Variants in IFT74 observed in about 807,000 individuals in gnomAD.
IFT74 encodes intraflagellar transport protein 74 homolog.
A neutral mutation model predicts 96.7 loss-of-function variants in IFT74; 92 were observed. The observed-to-expected ratio is 0.95, with a 90% CI of 0.80 to 1.13. The LOEUF (loss-of-function observed/expected upper bound fraction) is 1.13. IFT74 is among the 50% of genes most tolerant of loss of function. The pLI is 0.00. For synonymous variants in IFT74, 223 were observed against 213.2 expected, an observed-to-expected ratio of 1.05 and a Z score of -0.40; for missense variants, 811 against 698.2, an observed-to-expected ratio of 1.16 and a Z score of -1.82.
chr9:27,044,796 G>A lies in IFT74; in HGVS notation c.1108+1G>A. ...AAGAAAAGGGAGGAACATATGGACA[G>A]TAAGTGATATTCTTGTAGATATAAA... On this transcript the variant is annotated splice_donor_variant, in intron 14 of 19. Coordinates refer to ENST00000380062, the MANE Select transcript of IFT74 (RefSeq NM_025103.4). LOFTEE classifies it high-confidence loss of function. 1.3e-6 allele frequency: 2 copies of A among 1,492,964 alleles called. No homozygotes were observed. Among genetic ancestry groups the A allele is most frequent in the Non-Finnish European group, 1.8e-6 (2 of 1,085,018 alleles). The allele number at this position is 1,492,964 out of a possible 1,614,324, so 92.5% of individuals were successfully genotyped here.
intron 13 of IFT74, among the ~76,000 whole-genome samples, chr9:27,039,154 G>T (rs982656884): frequency 2.0e-5 from 3 of 151,738 alleles, no homozygotes; most frequent in Non-Finnish European, 4.4e-5. Context: ...TCAAATGAGG[G>T]TTATCAAGAG....
In IFT74 at chr9:26,978,109, A is replaced by C. The variant is rs572322975; in HGVS notation, c.121-19A>C. The C allele has an allele frequency of 1.5e-5, 23 of 1,553,520 alleles. No homozygotes were observed. The African/African-American group carries it at 2.8e-4, about 19-fold the overall frequency. On this transcript the variant is annotated intron_variant, in intron 2 of 19. Transcript: ENST00000380062. ...GTTTTTTCTGGTTTACTAAAAATGA[A>C]ATCTTGTTTGTCATTTAGATGCCAC...
At chr9:26,996,304 A>C in intron 8 of IFT74, 1 of 1,543,620 alleles carries the variant, frequency 6.5e-7, no homozygotes, top group Non-Finnish European at 8.9e-7. Context: ...TAGAACCAGT[A>C]TATTACCTGA....
At chr9:26,978,357 T>G in intron 3 of IFT74, 94 bp downstream of exon 3, 1 of 1,319,474 alleles carries the variant, frequency 7.6e-7, no homozygotes, top group Non-Finnish European at 1.0e-6. Context: ...TTGAGTATAT[T>G]TTGAACAATA....
At chr9:27,036,966 C>T (rs962664337) in intron 13 of IFT74, among the ~76,000 whole-genome samples, 1 of 152,034 alleles carries the variant, frequency 6.6e-6, no homozygotes, top group Admixed American at 6.6e-5. Context: ...CGCCTGTAAT[C>T]CCAGCACTTT....
At chr9:26,977,359 T>G (rs1212224290) in intron 2 of IFT74, among the ~76,000 whole-genome samples, 1 of 152,210 alleles carries the variant, frequency 6.6e-6, no homozygotes, top group East Asian at 1.9e-4. Context: ...GCTACTTGGA[T>G]AGCTGAGGCA....
chr9:27,023,068 C>G (rs1829692465), intron 12 of IFT74, among the ~76,000 whole-genome samples: 1 of 152,138 alleles, frequency 6.6e-6, no homozygotes, highest in Admixed American at 6.5e-5. Flanking sequence ...GTTGAGTCTT[C>G]AGGGTTTCCT....
At chr9:27,044,980 A>G (rs1203106249) in intron 14 of IFT74, among the ~76,000 whole-genome samples, 185 bp downstream of exon 14, 3 of 152,214 alleles carry the variant, frequency 2.0e-5, no homozygotes, top group Non-Finnish European at 4.4e-5. Context: ...AAATTCTAAA[A>G]AGATATGTGA....
Position 27,064,069 on chromosome 9 carries a change from A to C in IFT74, c.*1333A>C, listed in dbSNP as rs1293897240. On this transcript the variant is annotated 3_prime_UTR_variant, in exon 20 of 20. Coordinates refer to ENST00000380062, the MANE Select transcript of IFT74 (RefSeq NM_025103.4). ...CATAACCCTTAATATGCTAATGTAT[A>C]ATAAGCTCAAGAAGAATATATACTG... Among the ~76,000 whole-genome samples the C allele has an allele frequency of 6.6e-6, 1 of 152,162 alleles. No individual in the cohort carries two copies. The highest frequency in any genetic ancestry group is 1.5e-5 in the Non-Finnish European group (1 of 67,982).
chr9:27,011,567 A>ATATTTGAT (rs1829077423), intron 9 of IFT74, among the ~76,000 whole-genome samples: 1 of 151,944 alleles, frequency 6.6e-6, no homozygotes, highest in Non-Finnish European at 1.5e-5. Flanking sequence ...AAAGCTTCTG[A>ATATTTGAT]TATTTGATGT....
chr9:26,976,720 C>A lies in IFT74; in HGVS notation c.121-1408C>A, dbSNP rs942657544. On this transcript the variant is annotated intron_variant, in intron 2 of 19. Coordinates refer to ENST00000380062, the MANE Select transcript of IFT74 (RefSeq NM_025103.4). Reference sequence around the variant, plus strand: ...GTACCTGGAATTAGAGAATAAGTAGCTGAGCAGGCTATTTGAAGAGAAACC... The same window carrying A: ...GTACCTGGAATTAGAGAATAAGTAGATGAGCAGGCTATTTGAAGAGAAACC... 1.1e-5 allele frequency: 5 copies of A among 454,382 alleles called. No homozygotes were observed. The East Asian group carries it at 3.5e-4, about 32-fold the overall frequency. 28.1% of individuals were successfully genotyped at this position (454,382 alleles called of 1,614,324 possible).
At position 26,965,683 on chromosome 9, in the gene IFT74, A is replaced by G. The variant is rs368624930; in HGVS notation, c.120+3596A>G. 6.4e-4 allele frequency among the ~76,000 whole-genome samples: 97 copies of G among 152,228 alleles called. 3 individuals are homozygous for G. In the South Asian group the frequency reaches 0.019, roughly 31 times the overall value. ...TCATGGGGTAGGTCAGTTGTCTTAC[A>G]TGCATATATTATGTAATGATGAAGT... On this transcript the variant is annotated intron_variant, in intron 2 of 19. Coordinates refer to ENST00000380062, the MANE Select transcript of IFT74 (RefSeq NM_025103.4).
chr9:27,050,046 C>CTTATTTATTTAT (rs148206711), intron 16 of IFT74, among the ~76,000 whole-genome samples: 2 of 151,286 alleles, frequency 1.3e-5, no homozygotes, highest in African/African-American at 2.4e-5. Context: ...TAGGACTAGC[C>CTTATTTATTTAT]TTATTTATTT....
intron 8 of IFT74, chr9:26,996,539 A>T: frequency 8.0e-7 from 1 of 1,257,062 alleles, no homozygotes; most frequent in South Asian, 2.9e-5. Context: ...ATAGAGAAAA[A>T]TAATAGTTAA....
At chr9:26,968,469 T>G (rs1587252895) in intron 2 of IFT74, among the ~76,000 whole-genome samples, 1 of 151,936 alleles carries the variant, frequency 6.6e-6, no homozygotes. Flanking sequence ...ACCATGTTGG[T>G]CAGGCTAGTC....
intron 9 of IFT74, 152 bp from the exon 10 acceptor site, chr9:27,011,754 A>G: frequency 2.4e-6 from 1 of 411,328 alleles, no homozygotes; most frequent in Non-Finnish European, 4.4e-6. Context: ...AAAATGTAAG[A>G]TGCCAGTGAA....
upstream of IFT74, among the ~76,000 whole-genome samples, chr9:26,953,762 G>A (rs1302846185): frequency 6.6e-6 from 1 of 151,966 alleles, no homozygotes; most frequent in African/African-American, 2.4e-5. Flanking sequence ...CTCCTGCCTT[G>A]GCCTCCCAAA....
chr9:26,979,104 A>G (rs2131527458), intron 3 of IFT74, among the ~76,000 whole-genome samples: 1 of 152,056 alleles, frequency 6.6e-6, no homozygotes, highest in East Asian at 1.9e-4. Flanking sequence ...TATATCATAC[A>G]TGCTACTTTC....
intron 2 of IFT74, among the ~76,000 whole-genome samples, chr9:26,971,902 C>A (rs1013717389): frequency 6.6e-6 from 1 of 152,178 alleles, no homozygotes; most frequent in African/African-American, 2.4e-5. Flanking sequence ...TGGCTGAGTG[C>A]AAACAGTTTA....
Sources: gnomAD v4.1 joint callset for allele counts (sites outside exome capture counted in the v4.1 genomes callset) on GRCh38, gnomAD v4.1.1 for gene constraint, MANE v1.5 for transcripts, NCBI Gene and HGNC (gene_info 2026-07-23, HGNC 2026-07-21) for gene names.